The following HSPB8 variants were observed in gnomAD, a reference collection of about 807,000 sequenced individuals.
HSPB8 encodes the protein heat shock protein family B (small) member 8.
HSPB8 carries 9 observed loss-of-function variants against 16.5 expected under a neutral mutation model. That is an observed-to-expected ratio of 0.55 (90% CI 0.33 to 0.95). The LOEUF (loss-of-function observed/expected upper bound fraction) is 0.95, where lower values mean the gene tolerates loss of function less well. HSPB8 is among the 40% of genes least tolerant of loss of function. HSPB8 has a pLI of 0.03. For missense variants in HSPB8, 238 were observed against 251.2 expected (o/e 0.95, Z 0.35); for synonymous variants, 99 against 94.8 (o/e 1.04, Z -0.26).
chr12:119,186,989 A>T, intron 1 of HSPB8, 36 bp from the exon 2 acceptor site: 2 of 1,606,458 alleles, frequency 1.2e-6, no homozygotes, highest in Non-Finnish European at 1.7e-6. Context: ...CCCAAGGAAC[A>T]TAGATGCTGA....
intron 2 of HSPB8, among the ~76,000 whole-genome samples, chr12:119,189,944 C>T (rs1327146674): frequency 6.6e-6 from 1 of 152,158 alleles, no homozygotes; most frequent in Non-Finnish European, 1.5e-5. Context: ...TGGTCAGTGC[C>T]CAGCTGCACT....
chr12:119,185,257 C>G (rs1954667842), intron 1 of HSPB8, among the ~76,000 whole-genome samples: 1 of 151,720 alleles, frequency 6.6e-6, no homozygotes, highest in Admixed American at 6.6e-5. Context: ...TGGGCTCAAG[C>G]AATCTTCCCA....
intron 1 of HSPB8, among the ~76,000 whole-genome samples, chr12:119,185,009 T>C (rs1954665715): frequency 6.6e-6 from 1 of 152,234 alleles, no homozygotes; most frequent in Non-Finnish European, 1.5e-5. Context: ...AATACTGATA[T>C]ACATGGATAC....
intron 1 of HSPB8, among the ~76,000 whole-genome samples, chr12:119,186,062 C>G (rs1032269156): frequency 2.0e-5 from 3 of 152,130 alleles, no homozygotes; most frequent in Admixed American, 6.5e-5. Context: ...AGAGAAACTA[C>G]AGACACTCTC....
chr12:119,193,183 T>A (rs780182691), intron 2 of HSPB8, among the ~76,000 whole-genome samples: 5 of 152,206 alleles, frequency 3.3e-5, no homozygotes, highest in African/African-American at 4.8e-5. Flanking sequence ...AGGTACCTAG[T>A]GCTTGCATCA....
At chr12:119,193,367 C>T (rs1954723997) in intron 2 of HSPB8, among the ~76,000 whole-genome samples, 1 of 152,166 alleles carries the variant, frequency 6.6e-6, no homozygotes, top group Admixed American at 6.5e-5. Flanking sequence ...AACCTGGGAC[C>T]AAATATGTGG....
chr12:119,182,254 C>T (rs1001327046), intron 1 of HSPB8: 2 of 152,162 alleles, frequency 1.3e-5, no homozygotes, highest in Admixed American at 1.3e-4. Flanking sequence ...GTGACATCGG[C>T]TAGACAAAAT....
intron 2 of HSPB8, among the ~76,000 whole-genome samples, chr12:119,187,368 A>T (rs1711541912): frequency 6.6e-6 from 1 of 151,964 alleles, no homozygotes; most frequent in African/African-American, 2.4e-5. Context: ...TTATTTATTT[A>T]TCTTGAGACC....
At chr12:119,190,475 A>T (rs1423191705) in intron 2 of HSPB8, among the ~76,000 whole-genome samples, 1 of 152,166 alleles carries the variant, frequency 6.6e-6, no homozygotes, top group Non-Finnish European at 1.5e-5. Context: ...CCCCATTTGG[A>T]CTGAATAAGG....
intron 2 of HSPB8, among the ~76,000 whole-genome samples, chr12:119,191,599 GA>G (rs5801319): frequency 3.6e-4 from 52 of 145,122 alleles, no homozygotes; most frequent in South Asian, 1.6e-3. Flanking sequence ...AAGAAAGAAA[GA>G]AAAAAAAAAA....
At chr12:119,184,015 C>T (rs1223592334) in intron 1 of HSPB8, among the ~76,000 whole-genome samples, 1 of 152,208 alleles carries the variant, frequency 6.6e-6, no homozygotes, top group Non-Finnish European at 1.5e-5. Context: ...TAGGTGTCGT[C>T]ATTCCCATTT....
Position 119,191,603 on chromosome 12 carries a change from A to G in HSPB8, c.432-2096A>G, listed in dbSNP as rs571075522. Among the ~76,000 whole-genome samples the G allele has an allele frequency of 5.8e-4, 88 of 150,922 alleles. 1 individual carries two copies. Among genetic ancestry groups the G allele is most frequent in the South Asian group, 1.3e-3 (6 of 4,784 alleles). ...ACAAAAAAAGAAAGAAAGAAAGAAA[A>G]AAAAAAAACTCCCCAGCCCCTCCAG... On this transcript the variant is annotated intron_variant, in intron 2 of 2. Coordinates refer to ENST00000281938, the MANE Select transcript of HSPB8 (RefSeq NM_014365.3).
intron 1 of HSPB8, among the ~76,000 whole-genome samples, 154 bp downstream of exon 1, chr12:119,179,833 TAC>T (rs1441235312): frequency 2.0e-5 from 3 of 152,154 alleles, no homozygotes; most frequent in Non-Finnish European, 4.4e-5. Flanking sequence ...AAGTTATCTT[TAC>T]GGAAAACTTC....
intron 2 of HSPB8, among the ~76,000 whole-genome samples, chr12:119,188,881 G>A (rs1410476394): frequency 2.0e-5 from 3 of 152,172 alleles, no homozygotes; most frequent in South Asian, 4.1e-4. Flanking sequence ...TATTGTTATT[G>A]TTGACTCTTA....
At chr12:119,186,694 TTGGAAGATTTGGTACAACACA>T (rs56836137) in intron 1 of HSPB8, 63,626 of 349,694 alleles carry the variant, frequency 0.18, 5,904 homozygotes, top group Middle Eastern at 0.23. Context: ...GGTGGGAGAC[TTGGAAGATTTGGTACAACACA>T]TGGAAGATTT....
At chr12:119,188,619 A>T (rs1954692134) in intron 2 of HSPB8, among the ~76,000 whole-genome samples, 2 of 152,148 alleles carry the variant, frequency 1.3e-5, no homozygotes, top group Non-Finnish European at 1.5e-5. Context: ...AGGAGACATG[A>T]CCCTCCTTGC....
intron 1 of HSPB8, among the ~76,000 whole-genome samples, chr12:119,181,741 G>T: frequency 6.6e-6 from 1 of 152,182 alleles, no homozygotes; most frequent in African/African-American, 2.4e-5. Context: ...CTAGCATGGC[G>T]GATGTGGACG....
chr12:119,189,675 C>G (rs975031422), intron 2 of HSPB8, among the ~76,000 whole-genome samples: 2 of 152,166 alleles, frequency 1.3e-5, no homozygotes, highest in Admixed American at 1.3e-4. Context: ...AGGCGGAGCT[C>G]AGGCAGTAAT....
At chr12:119,188,983 T>C (rs1954694198) in intron 2 of HSPB8, among the ~76,000 whole-genome samples, 1 of 152,174 alleles carries the variant, frequency 6.6e-6, no homozygotes, top group Non-Finnish European at 1.5e-5. Flanking sequence ...GATTCTACAT[T>C]CCTGTCTCTT....
Sources: gnomAD v4.1 joint callset for allele counts (sites outside exome capture counted in the v4.1 genomes callset) on GRCh38, gnomAD v4.1.1 for gene constraint, MANE v1.5 for transcripts, NCBI Gene and HGNC (gene_info 2026-07-23, HGNC 2026-07-21) for gene names.